DIP2C: variants seen among roughly 807,000 people sequenced by gnomAD.
DIP2C encodes DIP2 acetate--CoA ligase C (putative), also known as disco-interacting protein 2 homolog C.
DIP2C carries 33 observed loss-of-function variants against 192.4 expected under a neutral mutation model. The observed-to-expected ratio is 0.17, with a 90% CI of 0.13 to 0.23. The LOEUF (loss-of-function observed/expected upper bound fraction) is 0.23, where lower values mean the gene tolerates loss of function less well. Ranked by LOEUF, DIP2C falls within the 10% of genes least tolerant of loss-of-function variation. The pLI, the probability that DIP2C is intolerant of heterozygous loss-of-function variation, is 1.00. For missense variants in DIP2C, 1,537 were observed against 2,110.1 expected, an observed-to-expected ratio of 0.73 and a Z score of 5.32; for synonymous variants, 979 against 864.1, an observed-to-expected ratio of 1.13 and a Z score of -2.33.
intron 17 of DIP2C, among the ~76,000 whole-genome samples, chr10:371,159 TGC>T (rs2132796362): frequency 2.0e-5 from 1 of 51,074 alleles, no homozygotes; most frequent in African/African-American, 4.5e-5. Flanking sequence ...CCCCTCACCC[TGC>T]ACCATCCCCT....
chr10:364,905 C>G (rs1960005322), intron 19 of DIP2C: 4 of 566,454 alleles, frequency 7.1e-6, no homozygotes, highest in Admixed American at 4.5e-5. Flanking sequence ...ACTTGGTTTA[C>G]AAAACCACAA....
intron 28 of DIP2C, among the ~76,000 whole-genome samples, chr10:341,868 C>A (rs188839285): frequency 6.6e-6 from 1 of 152,142 alleles, no homozygotes; most frequent in Non-Finnish European, 1.5e-5. Context: ...CGGAGTGAGA[C>A]CCTGTCTCTT....
intron 1 of DIP2C, among the ~76,000 whole-genome samples, chr10:658,458 A>G (rs1666589876): frequency 6.6e-6 from 1 of 152,244 alleles, no homozygotes. Flanking sequence ...TGGAGAGAAA[A>G]GTACAATCCA....
intron 1 of DIP2C, among the ~76,000 whole-genome samples, chr10:624,388 T>C (rs1854066847): frequency 6.6e-6 from 1 of 152,186 alleles, no homozygotes. Context: ...CAGCCACAAG[T>C]GCTCCAGGGG....
intron 1 of DIP2C, among the ~76,000 whole-genome samples, chr10:626,949 C>G (rs928111967): frequency 1.3e-5 from 2 of 152,284 alleles, no homozygotes; most frequent in African/African-American, 2.4e-5. Flanking sequence ...AGCTACCACG[C>G]TCCTAGGAAT....
rs545413146 is a variant in DIP2C, at chr10:496,423, G to A, written c.86-9893C>T. 8.0e-4 allele frequency among the ~76,000 whole-genome samples: 113 copies of A among 141,094 alleles called. 1 individual carries two copies. The highest frequency in any genetic ancestry group is 2.8e-3 in the African/African-American group (105 of 37,446). The allele number at this position is 141,094 out of a possible 152,430, so 92.6% of individuals were successfully genotyped here. ...TACACAGAACCCACGGTGCCCTCCCGTGTACTTAAAATCTGTACATTACTC... is the reference window on the plus strand; with the variant it reads ...TACACAGAACCCACGGTGCCCTCCCATGTACTTAAAATCTGTACATTACTC... On this transcript the variant is annotated intron_variant, in intron 1 of 36. Coordinates refer to ENST00000280886, the MANE Select transcript of DIP2C (RefSeq NM_014974.3).
At chr10:532,799 G>A (rs1847493551) in intron 1 of DIP2C, among the ~76,000 whole-genome samples, 1 of 151,924 alleles carries the variant, frequency 6.6e-6, no homozygotes, top group African/African-American at 2.4e-5. Context: ...GTGTGTGGTG[G>A]CGGGGGTCCT....
At chr10:609,417 A>C (rs749553630) in intron 1 of DIP2C, among the ~76,000 whole-genome samples, 1 of 152,242 alleles carries the variant, frequency 6.6e-6, no homozygotes, top group Non-Finnish European at 1.5e-5. Flanking sequence ...ACAATACTGG[A>C]GCAAGCTTGA....
At chr10:579,757 G>A (rs1437568467) in intron 1 of DIP2C, among the ~76,000 whole-genome samples, 1 of 152,010 alleles carries the variant, frequency 6.6e-6, no homozygotes, top group Non-Finnish European at 1.5e-5. Flanking sequence ...TATAATGTAT[G>A]TACATGCAGA....
chr10:612,087 G>A (rs947091858), intron 1 of DIP2C, among the ~76,000 whole-genome samples: 6 of 152,168 alleles, frequency 3.9e-5, no homozygotes, highest in Admixed American at 3.9e-4. Context: ...CCTGAGGTCA[G>A]GAGTTCGAGA....
chr10:651,215 A>G lies in DIP2C; in HGVS notation c.85+38279T>C. ...ACGCATATCTACAGACCCTGTCCTCACCTGCATCACACCAATGATGGCGTC... is the reference window on the plus strand; with the variant it reads ...ACGCATATCTACAGACCCTGTCCTCGCCTGCATCACACCAATGATGGCGTC... On this transcript the variant is annotated intron_variant, in intron 1 of 36. Transcript: ENST00000280886. This position sits in a 1 kb window ranked among gnomAD's most constrained non-coding sequence, Gnocchi z 4.1. The G allele has an allele frequency of 1.4e-6, 1 of 717,094 alleles. No homozygotes were observed. Among genetic ancestry groups the G allele is most frequent in the South Asian group, 1.5e-5 (1 of 67,584 alleles). The allele number at this position is 717,094 out of a possible 1,614,324, so 44.4% of individuals were successfully genotyped here. A position where few individuals can be genotyped will look rare whatever the true frequency, so the allele number is the denominator to read the frequency against.
intron 1 of DIP2C, among the ~76,000 whole-genome samples, chr10:506,864 T>C (rs1036796799): frequency 6.6e-6 from 1 of 152,310 alleles, no homozygotes; most frequent in Non-Finnish European, 1.5e-5. Flanking sequence ...TGTGAGGTTA[T>C]GGACATGGTC....
At chr10:479,817 G>A (rs1482577209) in intron 2 of DIP2C, among the ~76,000 whole-genome samples, 1 of 152,208 alleles carries the variant, frequency 6.6e-6, no homozygotes, top group African/African-American at 2.4e-5. Context: ...CCGCCAGCCT[G>A]AGCTCCAGTC....
At chr10:572,110 G>A (rs541558696) in intron 1 of DIP2C, among the ~76,000 whole-genome samples, 16 of 152,274 alleles carry the variant, frequency 1.1e-4, no homozygotes, top group Admixed American at 6.5e-4. Context: ...CTTCGATCAC[G>A]GTTATCCTAG....
chr10:290,953 G>A (rs910681036), intron 32 of DIP2C, among the ~76,000 whole-genome samples: 1 of 152,224 alleles, frequency 6.6e-6, no homozygotes, highest in Non-Finnish European at 1.5e-5. Flanking sequence ...AGGGTAAGGG[G>A]GTCACTCAGG....
chr10:525,482 C>A (rs548750103), intron 1 of DIP2C, among the ~76,000 whole-genome samples: 11 of 152,350 alleles, frequency 7.2e-5, no homozygotes, highest in South Asian at 6.2e-4. Context: ...CGGCACTTCT[C>A]ATACAGAACA....
At chr10:578,959 C>T (rs1850371636) in intron 1 of DIP2C, among the ~76,000 whole-genome samples, 6 of 152,096 alleles carry the variant, frequency 3.9e-5, no homozygotes, top group Admixed American at 3.9e-4. Flanking sequence ...ATAGAGCATT[C>T]ACACATCCAG....
chr10:579,769 C>G (rs560542982), intron 1 of DIP2C, among the ~76,000 whole-genome samples: 1 of 151,990 alleles, frequency 6.6e-6, no homozygotes, highest in African/African-American at 2.4e-5. Context: ...ACATGCAGAG[C>G]ATACACATCC....
In DIP2C at chr10:594,546, C is replaced by T. The variant is rs562582641; in HGVS notation, c.85+94948G>A. 3.9e-5 allele frequency among the ~76,000 whole-genome samples: 6 copies of T among 152,250 alleles called. No individual in the cohort carries two copies. In the South Asian group the frequency reaches 6.2e-4, roughly 16 times the overall value. ...CATGGCCGAGTACAGACCATTTCAA[C>T]GTAAGAGAACATGGCTGAGTACAAA... On this transcript the variant is annotated intron_variant, in intron 1 of 36. Coordinates refer to ENST00000280886, the MANE Select transcript of DIP2C (RefSeq NM_014974.3).
Sources: gnomAD v4.1 joint callset for allele counts (sites outside exome capture counted in the v4.1 genomes callset) on GRCh38, gnomAD v4.1.1 for gene constraint, Gnocchi (gnomAD v3.1) non-coding constraint, MANE v1.5 for transcripts, NCBI Gene and HGNC (gene_info 2026-07-23, HGNC 2026-07-21) for gene names.